SUGT1: variants seen among roughly 807,000 people sequenced by gnomAD.
SUGT1 encodes the protein SGT1 assembly cochaperone of MIS12 kinetochore complex.
In SUGT1, 15 loss-of-function variants were observed where a neutral mutation model predicts 56.1. The observed-to-expected ratio is 0.27, with a 90% CI of 0.18 to 0.41. The LOEUF is 0.41. Among genes scored for constraint, SUGT1 ranks in the 10% least tolerant of loss-of-function variants. The probability of loss-of-function intolerance (pLI) is 1.00; values close to 1 mark genes in which losing one functional copy is unlikely to be tolerated. For missense variants in SUGT1, 347 were observed against 382.2 expected (o/e 0.91, Z 0.77); for synonymous variants, 123 against 128.6 (o/e 0.96, Z 0.30).
intron 10 of SUGT1, among the ~76,000 whole-genome samples, chr13:52,670,525 A>G (rs1318865409): frequency 6.6e-6 from 1 of 152,160 alleles, no homozygotes; most frequent in African/African-American, 2.4e-5. Context: ...AGAATTCACA[A>G]GTCGGGCACG....
Position 52,696,914 on chromosome 13 carries a change from C to CTTTTTTTTTTTTTT in SUGT1, c.*9086_*9099dup, listed in dbSNP as rs60107053. ...TCAAAACCAGTGTGATATCCAAGTA[C>CTTTTTTTTTTTTTT]TTTTTTTTTTTTTTTTTTTTGCTAT... On this transcript the variant is annotated 3_prime_UTR_variant, in exon 13 of 13. Transcript: ENST00000310528. 9.2e-6 allele frequency: 1 copy of CTTTTTTTTTTTTTT among 108,794 alleles called. No individual in the cohort carries two copies. The highest frequency in any genetic ancestry group is 1.9e-5 in the Non-Finnish European group (1 of 53,368). The allele number at this position is 108,794 out of a possible 1,614,324, so 6.7% of individuals were successfully genotyped here. A position where few individuals can be genotyped will look rare whatever the true frequency, so the allele number is the denominator to read the frequency against.
In SUGT1 at chr13:52,652,852, C is replaced by T. The variant is rs538169169; in HGVS notation, c.-69C>T. The stretch of plus-strand genomic sequence containing the variant: ...TTGGTGTTTCTCCAGAAGTTTCCCC[C>T]TTGGGCGGTGGTGGAGGTGGTAACC... On this transcript the variant is annotated 5_prime_UTR_variant, in exon 1 of 13. Coordinates refer to ENST00000310528, the MANE Select transcript of SUGT1 (RefSeq NM_006704.5). 3.8e-6 allele frequency: 6 copies of T among 1,577,844 alleles called. No individual in the cohort carries two copies. Among genetic ancestry groups the T allele is most frequent in the Non-Finnish European group, 4.3e-6 (5 of 1,160,488 alleles).
At chr13:52,661,030 T>G (rs2138117223) in intron 5 of SUGT1, among the ~76,000 whole-genome samples, 1 of 152,304 alleles carries the variant, frequency 6.6e-6, no homozygotes, top group African/African-American at 2.4e-5. Context: ...CAGGCTGGTC[T>G]TGAACTCCTG....
rs1267614761 is a variant in SUGT1 at position 52,697,533 on chromosome 13, G to A, written c.*9698G>A. The A allele has an allele frequency of 6.6e-6, 1 of 152,148 alleles. No individual in the cohort carries two copies. The highest frequency in any genetic ancestry group is 6.5e-5 in the Admixed American group (1 of 15,276). The allele number at this position is 152,148 out of a possible 1,614,324, so 9.4% of individuals were successfully genotyped here. A position where few individuals can be genotyped will look rare whatever the true frequency, so the allele number is the denominator to read the frequency against. On this transcript the variant is annotated 3_prime_UTR_variant, in exon 13 of 13. Coordinates refer to ENST00000310528, the MANE Select transcript of SUGT1 (RefSeq NM_006704.5). ...CATACCAATCTTCTTGGAGACAAAA[G>A]TTTGAATTGCTCACGTGTCCATTTT...
At position 52,699,542 on chromosome 13, in the gene SUGT1, C is replaced by A. The variant is rs1249883481; in HGVS notation, c.*11707C>A. 1 of 152,124 alleles carries A rather than the reference C, an allele frequency of 6.6e-6. No homozygotes were observed. Among genetic ancestry groups the A allele is most frequent in the Non-Finnish European group, 1.5e-5 (1 of 68,004 alleles). 9.4% of individuals were successfully genotyped at this position (152,124 alleles called of 1,614,324 possible). ...GTGTTAGGGCACATCCCATGGAGAT[C>A]TTTTTTACTGCTTAATTTTTTGGAG... is the stretch of plus-strand genomic sequence containing the variant. On this transcript the variant is annotated 3_prime_UTR_variant, in exon 13 of 13. Coordinates refer to ENST00000310528, the MANE Select transcript of SUGT1 (RefSeq NM_006704.5).
chr13:52,676,350 A>G, intron 11 of SUGT1, 30 bp downstream of exon 11: 2 of 1,549,970 alleles, frequency 1.3e-6, no homozygotes, highest in East Asian at 2.2e-5. Flanking sequence ...TGAGCTTTAT[A>G]TTCATATTGT....
chr13:52,653,530 C>T (rs2138097434), intron 2 of SUGT1, among the ~76,000 whole-genome samples: 1 of 152,326 alleles, frequency 6.6e-6, no homozygotes, highest in South Asian at 2.1e-4. Flanking sequence ...CCTTTTCCCT[C>T]ACGTCCCTGA....
intron 12 of SUGT1, among the ~76,000 whole-genome samples, chr13:52,684,552 T>C (rs182192514): frequency 2.6e-5 from 4 of 152,158 alleles, no homozygotes; most frequent in Admixed American, 2.6e-4. Flanking sequence ...TATTCACTCA[T>C]TTTTGAGACA....
intron 10 of SUGT1, among the ~76,000 whole-genome samples, chr13:52,667,228 A>T (rs1311461262): frequency 6.6e-6 from 1 of 152,214 alleles, no homozygotes; most frequent in Non-Finnish European, 1.5e-5. Context: ...TGATACTGAC[A>T]ATGTCTCTTC....
At chr13:52,669,312 A>G (rs1962838239) in intron 10 of SUGT1, among the ~76,000 whole-genome samples, 1 of 152,208 alleles carries the variant, frequency 6.6e-6, no homozygotes, top group Non-Finnish European at 1.5e-5. Context: ...AATAATTTTT[A>G]TTATGTAAAT....
At chr13:52,678,591 A>G (rs4885887) in intron 11 of SUGT1, among the ~76,000 whole-genome samples, 145,676 of 152,280 alleles carry the variant, frequency 0.96, 69,698 homozygotes, top group East Asian at 0.99. Context: ...ACTAGTCTGC[A>G]TTGAGATGAT....
At chr13:52,668,766 A>G (rs1420307727) in intron 10 of SUGT1, among the ~76,000 whole-genome samples, 2 of 151,836 alleles carry the variant, frequency 1.3e-5, no homozygotes, top group African/African-American at 4.8e-5. Flanking sequence ...CGAGATTGCT[A>G]ATGCAAGTGA....
At chr13:52,668,495 G>A (rs1962806704) in intron 10 of SUGT1, among the ~76,000 whole-genome samples, 1 of 152,094 alleles carries the variant, frequency 6.6e-6, no homozygotes, top group African/African-American at 2.4e-5. Flanking sequence ...CAGTTAAAAA[G>A]GATCTGCCTA....
rs1401415166 is a variant in SUGT1, at chr13:52,694,241, G to A, written c.*6406G>A. On this transcript the variant is annotated 3_prime_UTR_variant, in exon 13 of 13. Coordinates refer to ENST00000310528, the MANE Select transcript of SUGT1 (RefSeq NM_006704.5). The stretch of plus-strand genomic sequence containing the variant: ...GTGCTTCATGTGACAGATAACATCA[G>A]ATGATCCTAGGCTGGAAGGTGGAAA... 1 of 152,244 alleles carries A rather than the reference G, an allele frequency of 6.6e-6. No individual in the cohort carries two copies. The highest frequency in any genetic ancestry group is 1.5e-5 in the Non-Finnish European group (1 of 68,040). The allele number at this position is 152,244 out of a possible 1,614,324, so 9.4% of individuals were successfully genotyped here.
At position 52,681,829 on chromosome 13, in the gene SUGT1, A is replaced by T. The variant is rs867997738; in HGVS notation, c.900+1674A>T. ...AGCTTGGGCAGCAAAGTGAGACCCT[A>T]TCTCTTTAAAAAAAAAAAAAAGAGA... On this transcript the variant is annotated intron_variant, in intron 12 of 12. Coordinates refer to ENST00000310528, the MANE Select transcript of SUGT1 (RefSeq NM_006704.5). Among the ~76,000 whole-genome samples the T allele has an allele frequency of 3.8e-4, 22 of 58,030 alleles. 1 individual carries two copies. Among genetic ancestry groups the T allele is most frequent in the South Asian group, 1.5e-3 (2 of 1,366 alleles). 38.1% of individuals were successfully genotyped at this position (58,030 alleles called of 152,430 possible).
chr13:52,654,449 A>AG (rs1962064019), intron 2 of SUGT1, among the ~76,000 whole-genome samples: 1 of 152,220 alleles, frequency 6.6e-6, no homozygotes, highest in African/African-American at 2.4e-5. Context: ...TTTACTTTAA[A>AG]AATTTTTATG....
chr13:52,670,645 A>G (rs997695304), intron 10 of SUGT1, among the ~76,000 whole-genome samples: 2 of 152,168 alleles, frequency 1.3e-5, no homozygotes, highest in African/African-American at 2.4e-5. Context: ...TGTCTCTACT[A>G]AAAATACAAA....
intron 5 of SUGT1, among the ~76,000 whole-genome samples, chr13:52,659,765 CAT>C (rs71709935): frequency 0.037 from 4,765 of 129,970 alleles, 110 homozygotes; most frequent in South Asian, 0.066. Flanking sequence ...GATATCTAGA[CAT>C]ATAGAAATTG....
In SUGT1 at chr13:52,687,809, G is replaced by A. The variant is rs764544653; in HGVS notation, c.976G>A (p.Asp326Asn). 6.2e-7 allele frequency: 1 copy of A among 1,601,574 alleles called. No homozygotes were observed. Among genetic ancestry groups the A allele is most frequent in the South Asian group, 1.1e-5 (1 of 88,024 alleles). ...GKRKVEINPP[D>N]DMEWKKY is the part of the protein sequence containing the mutation. Reference sequence around the variant, plus strand: ...AAGGAAAGTTGAAATCAATCCTCCTGATGATATGGAATGGAAAAAGTACTA... The same window carrying A: ...AAGGAAAGTTGAAATCAATCCTCCTAATGATATGGAATGGAAAAAGTACTA... The change falls in exon 13 of 13, where the codon GAT (aspartate) becomes AAT (asparagine). Residue 326 changes from aspartate (D) to asparagine (N), a missense_variant. Asp to Asn is a conservative substitution (Grantham distance 23, BLOSUM62 1). Transcript: ENST00000310528.
Sources: allele counts gnomAD v4.1 joint callset (sites outside exome capture counted in the v4.1 genomes callset), GRCh38; gene constraint gnomAD v4.1.1; transcripts MANE v1.5; gene names NCBI Gene and HGNC (gene_info 2026-07-23, HGNC 2026-07-21).